The following DOCK4 variants were observed in gnomAD, a reference collection of about 807,000 sequenced individuals.
DOCK4 encodes the protein dedicator of cytokinesis protein 4.
In DOCK4, 97 loss-of-function variants were observed where a neutral mutation model predicts 268.1. The ratio of observed to expected loss-of-function variants is 0.36; its 90% confidence interval spans 0.31 to 0.43. The LOEUF (loss-of-function observed/expected upper bound fraction) is 0.43, where lower values mean the gene tolerates loss of function less well. Ranked by LOEUF, DOCK4 falls within the 20% of genes least tolerant of loss-of-function variation. The pLI, the probability that DOCK4 is intolerant of heterozygous loss-of-function variation, is 1.00. For missense variants in DOCK4, 2,145 were observed against 2,455.7 expected, an observed-to-expected ratio of 0.87 and a Z score of 2.67; for synonymous variants, 954 against 887.2, an observed-to-expected ratio of 1.08 and a Z score of -1.34.
intron 50 of DOCK4, among the ~76,000 whole-genome samples, chr7:111,736,122 C>T (rs1795455222): frequency 6.6e-6 from 1 of 152,102 alleles, no homozygotes; most frequent in Admixed American, 6.5e-5. Flanking sequence ...TTTCCATCTC[C>T]CAAGGAAAGT....
chr7:111,842,087 C>G (rs778829184), intron 25 of DOCK4, among the ~76,000 whole-genome samples: 2 of 152,170 alleles, frequency 1.3e-5, no homozygotes, highest in African/African-American at 4.8e-5. Flanking sequence ...GACATCCTTC[C>G]TCTTCCACGT....
intron 42 of DOCK4, among the ~76,000 whole-genome samples, chr7:111,752,718 C>G (rs1796752180): frequency 6.6e-6 from 1 of 150,882 alleles, no homozygotes; most frequent in Non-Finnish European, 1.5e-5. Flanking sequence ...TCCCAAGTAG[C>G]TGGGACTACA....
chr7:111,746,159 C>T (rs995105300), intron 44 of DOCK4, among the ~76,000 whole-genome samples, 175 bp downstream of exon 44: 3 of 152,092 alleles, frequency 2.0e-5, no homozygotes, highest in African/African-American at 7.2e-5. Flanking sequence ...ATTTTTGCAT[C>T]GGAGTGGGAA....
rs1370426104 is a variant in DOCK4, at chr7:111,940,253, A to G, written c.845-11T>C. ...CTGCTCCCATTCGACCTGTTCAATT[A>G]AAGAGCAATCATTAACCCATGGAGC... On this transcript the variant is annotated splice_polypyrimidine_tract_variant and intron_variant, in intron 10 of 52. Coordinates refer to ENST00000428084, the MANE Select transcript of DOCK4 (RefSeq NM_001363540.2). 2 of 1,613,896 alleles carry G rather than the reference A, an allele frequency of 1.2e-6. No homozygotes were observed. Among genetic ancestry groups the G allele is most frequent in the East Asian group, 2.2e-5 (1 of 44,892 alleles).
At chr7:111,785,728 G>A (rs576007231) in intron 32 of DOCK4, among the ~76,000 whole-genome samples, 6 of 152,268 alleles carry the variant, frequency 3.9e-5, no homozygotes, top group Admixed American at 2.0e-4. Flanking sequence ...TAGGTAACCC[G>A]GGTGAGAGTG....
chr7:111,920,539 T>C (rs1186586535), intron 12 of DOCK4, among the ~76,000 whole-genome samples: 1 of 152,180 alleles, frequency 6.6e-6, no homozygotes, highest in Admixed American at 6.5e-5. Flanking sequence ...TATTTTTCTT[T>C]CCGTTTTCTT....
Position 111,728,223 on chromosome 7 carries a change from C to CTTA in DOCK4, c.*48_*50dup. ...CACTAAATGTCTTCTCATCATACTT[C>CTTA]TTATTTTGTAAACGGGCAAAGAATG... On this transcript the variant is annotated 3_prime_UTR_variant, in exon 53 of 53. Coordinates refer to ENST00000428084, the MANE Select transcript of DOCK4 (RefSeq NM_001363540.2). 14 of 1,371,016 alleles carry CTTA rather than the reference C, an allele frequency of 1.0e-5. No individual in the cohort carries two copies. Among genetic ancestry groups the CTTA allele is most frequent in the Non-Finnish European group, 1.3e-5 (14 of 1,045,070 alleles). The allele number at this position is 1,371,016 out of a possible 1,614,324, so 84.9% of individuals were successfully genotyped here. A position where few individuals can be genotyped will look rare whatever the true frequency, so the allele number is the denominator to read the frequency against.
intron 1 of DOCK4, among the ~76,000 whole-genome samples, chr7:112,193,024 A>C (rs988721447): frequency 1.3e-5 from 2 of 152,190 alleles, no homozygotes; most frequent in Admixed American, 1.3e-4. Context: ...TTTCAAAAAC[A>C]AAGTACTCCT....
intron 8 of DOCK4, among the ~76,000 whole-genome samples, chr7:111,958,999 C>A (rs73207424): frequency 1.3e-5 from 2 of 151,956 alleles, no homozygotes; most frequent in African/African-American, 4.8e-5. Context: ...GGGAGTAAAC[C>A]GCAAATCTGA....
chr7:112,099,047 T>C (rs1810422334), intron 1 of DOCK4, among the ~76,000 whole-genome samples: 1 of 152,038 alleles, frequency 6.6e-6, no homozygotes, highest in Admixed American at 6.5e-5. Flanking sequence ...CTCAGCACTT[T>C]GGGAGGCCTA....
chr7:111,807,623 C>T (rs1352039155), intron 30 of DOCK4: 1 of 152,000 alleles, frequency 6.6e-6, no homozygotes, highest in Non-Finnish European at 1.5e-5. Context: ...TACAGGCACC[C>T]CCCCACCACG....
rs566247714 is a variant in DOCK4 at position 111,798,973 on chromosome 7, A to G, written c.3167-8368T>C. Among the ~76,000 whole-genome samples, 3 of 152,346 alleles carry G rather than the reference A, an allele frequency of 2.0e-5. No homozygotes were observed. The South Asian group carries it at 6.2e-4, about 32-fold the overall frequency. On this transcript the variant is annotated intron_variant, in intron 30 of 52. Coordinates refer to ENST00000428084, the MANE Select transcript of DOCK4 (RefSeq NM_001363540.2). ...ACAAGAAATAGCAAGAATGCATTGC[A>G]GGGGACATCAGAAAGAAACAAGTGA...
chr7:112,130,052 C>A (rs1586884626), intron 1 of DOCK4, among the ~76,000 whole-genome samples: 1 of 152,192 alleles, frequency 6.6e-6, no homozygotes, highest in East Asian at 1.9e-4. Context: ...CCACTTTTAA[C>A]TCTGCCTGGA....
At chr7:112,063,936 G>A (rs1309819448) in intron 1 of DOCK4, among the ~76,000 whole-genome samples, 1 of 152,152 alleles carries the variant, frequency 6.6e-6, no homozygotes, top group African/African-American at 2.4e-5. Context: ...TTAAAGGGAA[G>A]GGGCTATCTT....
intron 1 of DOCK4, among the ~76,000 whole-genome samples, chr7:112,133,321 A>G (rs1014297393): frequency 2.0e-5 from 3 of 152,210 alleles, no homozygotes; most frequent in Admixed American, 2.0e-4. Flanking sequence ...GTTCCACTCC[A>G]CAAATGTTCT....
At position 111,791,070 on chromosome 7, in the gene DOCK4, TTATATA is replaced by T. The variant is rs35033313; in HGVS notation, c.3167-471_3167-466del. ...AAGACTCTGTCTCAAAAAAAAAAAA[TTATATA>T]TATATATATATATATATATATATAA... On this transcript the variant is annotated intron_variant, in intron 30 of 52. Transcript: ENST00000428084. Among the ~76,000 whole-genome samples the T allele has an allele frequency of 2.1e-3, 204 of 95,442 alleles. 1 individual carries two copies. The highest frequency in any genetic ancestry group is 6.5e-3 in the South Asian group (21 of 3,228). 62.6% of individuals were successfully genotyped at this position (95,442 alleles called of 152,430 possible).
Position 111,962,307 on chromosome 7 carries a change from A to G in DOCK4, c.701+14825T>C, listed in dbSNP as rs538953042. 5.9e-5 allele frequency among the ~76,000 whole-genome samples: 9 copies of G among 152,350 alleles called. No homozygotes were observed. The South Asian group carries it at 1.4e-3, about 25-fold the overall frequency. ...AGGTGTATTTCCTGTACTGGTTTTTAAAAATAATCATTCTAATAACTAAGA... is the reference window on the plus strand; with the variant it reads ...AGGTGTATTTCCTGTACTGGTTTTTGAAAATAATCATTCTAATAACTAAGA... On this transcript the variant is annotated intron_variant, in intron 8 of 52. Transcript: ENST00000428084.
rs550659405 is a variant in DOCK4 at position 111,917,219 on chromosome 7, C to T, written c.1067-1315G>A. 5.9e-5 allele frequency among the ~76,000 whole-genome samples: 9 copies of T among 151,946 alleles called. No individual in the cohort carries two copies. In the East Asian group the frequency reaches 1.8e-3, roughly 30 times the overall value. On this transcript the variant is annotated intron_variant, in intron 12 of 52. Coordinates refer to ENST00000428084, the MANE Select transcript of DOCK4 (RefSeq NM_001363540.2). ...GCCAGGATGGTCTCGAGCTCTTGAC[C>T]TTGTGATCTGCCCTCCTCGGCCTCC... is the stretch of plus-strand genomic sequence containing the variant.
At chr7:112,054,156 T>C (rs1805617088) in intron 1 of DOCK4, among the ~76,000 whole-genome samples, 1 of 151,998 alleles carries the variant, frequency 6.6e-6, no homozygotes, top group African/African-American at 2.4e-5. Flanking sequence ...ACCCTAACTC[T>C]ATAAAATATA....
Sources: allele counts gnomAD v4.1 joint callset (sites outside exome capture counted in the v4.1 genomes callset), GRCh38; gene constraint gnomAD v4.1.1; transcripts MANE v1.5; gene names NCBI Gene and HGNC (gene_info 2026-07-23, HGNC 2026-07-21).